The following IKZF2 variants were observed in gnomAD, a reference collection of about 807,000 sequenced individuals.
IKZF2 encodes IKAROS family zinc finger 2, also known as zinc finger protein Helios.
IKZF2 carries 15 observed loss-of-function variants against 49.2 expected under a neutral mutation model. The observed-to-expected ratio is 0.30, with a 90% confidence interval of 0.20 to 0.47. The LOEUF is 0.47. IKZF2 is among the 20% of genes least tolerant of loss of function. The pLI is 1.00. For synonymous variants in IKZF2, 227 were observed against 221.4 expected (o/e 1.03, Z -0.23); for missense variants, 567 against 664.6 (o/e 0.85, Z 1.61).
intron 6 of IKZF2, among the ~76,000 whole-genome samples, chr2:213,040,087 T>C (rs1283558850): frequency 6.6e-6 from 1 of 152,126 alleles, no homozygotes; most frequent in East Asian, 1.9e-4. Flanking sequence ...ATTTTCATAG[T>C]AATCTGAACC....
At position 213,056,901 on chromosome 2, in the gene IKZF2, T is replaced by A; in HGVS notation, c.338A>T (p.Lys113Ile). The stretch of plus-strand genomic sequence containing the variant: ...GCAAACCATGCCACAGACGTCACAT[T>A]TCAGTTTACCATTCGGAAGCCGGAT... ...GGIRLPNGKL[K>I]CDVCGMVCIG... The change falls in exon 5 of 9, where the codon AAA (lysine) becomes ATA (isoleucine). Residue 113 changes from lysine to isoleucine, a missense_variant. By Grantham distance (102) the Lys-to-Ile change is moderately radical. Coordinates refer to ENST00000434687, the MANE Select transcript of IKZF2 (RefSeq NM_001387220.1). 3 of 1,613,782 alleles carry A rather than the reference T, an allele frequency of 1.9e-6. No individual in the cohort carries two copies. The highest frequency in any genetic ancestry group is 2.5e-6 in the Non-Finnish European group (3 of 1,179,858).
chr2:213,086,906 G>A (rs1559256270), intron 4 of IKZF2, among the ~76,000 whole-genome samples: 1 of 152,064 alleles, frequency 6.6e-6, no homozygotes, highest in Non-Finnish European at 1.5e-5. Flanking sequence ...CTTTCCTCCA[G>A]GTTCAACACT....
chr2:213,132,594 G>C (rs1002225120), intron 4 of IKZF2, among the ~76,000 whole-genome samples: 1 of 152,144 alleles, frequency 6.6e-6, no homozygotes, highest in Non-Finnish European at 1.5e-5. Flanking sequence ...AGCACCATAA[G>C]TATGGAAATT....
intron 4 of IKZF2, among the ~76,000 whole-genome samples, chr2:213,133,264 C>T (rs1439209332): frequency 6.6e-6 from 1 of 152,136 alleles, no homozygotes; most frequent in Admixed American, 6.5e-5. Flanking sequence ...GTGTCTAATG[C>T]TTACCACTCC....
chr2:213,116,505 C>T (rs1000202551), intron 4 of IKZF2, among the ~76,000 whole-genome samples: 1 of 152,092 alleles, frequency 6.6e-6, no homozygotes, highest in Non-Finnish European at 1.5e-5. Flanking sequence ...GAGGCCAAGG[C>T]GGGTGGATTG....
At chr2:213,079,499 G>C (rs947139625) in intron 4 of IKZF2, among the ~76,000 whole-genome samples, 2 of 149,946 alleles carry the variant, frequency 1.3e-5, no homozygotes, top group Admixed American at 1.3e-4. Flanking sequence ...AAAAGAAAGA[G>C]AGAGAGAGAA....
chr2:213,116,352 T>C, intron 4 of IKZF2, among the ~76,000 whole-genome samples: 1 of 152,160 alleles, frequency 6.6e-6, no homozygotes, highest in Non-Finnish European at 1.5e-5. Flanking sequence ...TCATAGAAAA[T>C]AATCTAAACA....
At chr2:213,090,465 T>G (rs1005738694) in intron 4 of IKZF2, among the ~76,000 whole-genome samples, 1 of 152,182 alleles carries the variant, frequency 6.6e-6, no homozygotes, top group Non-Finnish European at 1.5e-5. Flanking sequence ...CAGGCTCACT[T>G]ACTTTGGCAT....
chr2:213,109,760 A>T (rs2059641937), intron 4 of IKZF2, among the ~76,000 whole-genome samples: 1 of 152,038 alleles, frequency 6.6e-6, no homozygotes, highest in Non-Finnish European at 1.5e-5. Context: ...GAAAAACATA[A>T]GCAAGGTAAA....
chr2:213,017,895 T>C (rs149964261), intron 7 of IKZF2, among the ~76,000 whole-genome samples: 3 of 152,280 alleles, frequency 2.0e-5, no homozygotes, highest in African/African-American at 7.2e-5. Flanking sequence ...TAATACCTTT[T>C]ATGATACAAG....
chr2:213,072,640 C>G (rs2125501035), intron 4 of IKZF2, among the ~76,000 whole-genome samples: 1 of 152,116 alleles, frequency 6.6e-6, no homozygotes, highest in African/African-American at 2.4e-5. Context: ...AAAGTTAAGT[C>G]TGTTAAGAGA....
intron 4 of IKZF2, among the ~76,000 whole-genome samples, chr2:213,077,746 T>C (rs1703438845): frequency 1.3e-5 from 2 of 151,778 alleles, no homozygotes; most frequent in African/African-American, 2.4e-5. Context: ...CGCCACCATG[T>C]CCGGCTAATT....
intron 4 of IKZF2, among the ~76,000 whole-genome samples, chr2:213,104,265 AAAAAAAAAAAAG>A (rs1290301170): frequency 6.6e-6 from 1 of 151,150 alleles, no homozygotes; most frequent in Non-Finnish European, 1.5e-5. Flanking sequence ...AACGGACAAA[AAAAAAAAAAAAG>A]AAAAAGAAAA....
chr2:213,052,441 G>A (rs920865413), intron 5 of IKZF2, among the ~76,000 whole-genome samples: 1 of 152,024 alleles, frequency 6.6e-6, no homozygotes, highest in Non-Finnish European at 1.5e-5. Flanking sequence ...TTTGAATTAT[G>A]AATAAGTCTT....
chr2:213,091,884 CTG>C (rs140812184), intron 4 of IKZF2, among the ~76,000 whole-genome samples: 50 of 149,732 alleles, frequency 3.3e-4, no homozygotes, highest in African/African-American at 8.5e-4. Context: ...AGAGTATAAG[CTG>C]TGTGTGTGTG....
Position 213,000,218 on chromosome 2 carries a change from T to C in IKZF2, c.*7142A>G, listed in dbSNP as rs1185621012. 2.0e-5 allele frequency: 3 copies of C among 147,808 alleles called. No homozygotes were observed. The highest frequency in any genetic ancestry group is 4.5e-5 in the Non-Finnish European group (3 of 66,676). 9.2% of individuals were successfully genotyped at this position (147,808 alleles called of 1,614,324 possible). ...TACATTACACTTAGCAAACCTGACATACAAGGTATGGAATTTTAACTTTAC... is the reference window on the plus strand; with the variant it reads ...TACATTACACTTAGCAAACCTGACACACAAGGTATGGAATTTTAACTTTAC... On this transcript the variant is annotated 3_prime_UTR_variant, in exon 9 of 9. Transcript: ENST00000434687.
chr2:213,106,552 T>C (rs532904311), intron 4 of IKZF2, among the ~76,000 whole-genome samples: 1 of 150,394 alleles, frequency 6.6e-6, no homozygotes, highest in East Asian at 1.9e-4. Context: ...AGAGGATCTC[T>C]TGAGCCCAGG....
chr2:213,071,116 G>A (rs1008776878), intron 4 of IKZF2, among the ~76,000 whole-genome samples: 1 of 152,096 alleles, frequency 6.6e-6, no homozygotes, highest in Non-Finnish European at 1.5e-5. Context: ...GTCTGAACCA[G>A]CCAAATACCC....
chr2:213,073,772 C>T (rs754652539), intron 4 of IKZF2, among the ~76,000 whole-genome samples: 2 of 152,188 alleles, frequency 1.3e-5, no homozygotes, highest in Non-Finnish European at 2.9e-5. Flanking sequence ...TGCAGTGGCA[C>T]GATCTTGGCT....
Sources: gnomAD v4.1 joint callset for allele counts (sites outside exome capture counted in the v4.1 genomes callset) on GRCh38, gnomAD v4.1.1 for gene constraint, MANE v1.5 for transcripts, NCBI Gene and HGNC (gene_info 2026-07-23, HGNC 2026-07-21) for gene names.